Variants in HAUS2 observed in about 807,000 individuals in gnomAD.
HAUS2 encodes HAUS augmin like complex subunit 2.
In HAUS2, 20 loss-of-function variants were observed where a neutral mutation model predicts 21.6. The observed-to-expected ratio is 0.93, with a 90% CI of 0.65 to 1.35. The LOEUF (loss-of-function observed/expected upper bound fraction) is 1.35, where lower values mean the gene tolerates loss of function less well. Ranked by LOEUF, HAUS2 falls within the 40% of genes most tolerant of loss-of-function variation. The pLI, the probability that HAUS2 is intolerant of heterozygous loss-of-function variation, is 0.00. For missense variants in HAUS2, 297 were observed against 280.7 expected (o/e 1.06, Z -0.42); for synonymous variants, 113 against 95.6 (o/e 1.18, Z -1.06).
At chr15:42,561,479 A>G in intron 4 of HAUS2, 77 bp downstream of exon 4, 1 of 871,670 alleles carries the variant, frequency 1.1e-6, no homozygotes. Context: ...ACTTTGTAGC[A>G]GAATTCATAA....
chr15:42,557,198 C>T (rs2057787325), intron 1 of HAUS2, among the ~76,000 whole-genome samples: 1 of 145,364 alleles, frequency 6.9e-6, no homozygotes, highest in Non-Finnish European at 1.5e-5. Context: ...CGCCTGTAGT[C>T]CCAGCTACTC....
intron 1 of HAUS2, among the ~76,000 whole-genome samples, chr15:42,555,169 G>C (rs1253748224): frequency 6.6e-6 from 1 of 151,940 alleles, no homozygotes; most frequent in African/African-American, 2.4e-5. Context: ...TGTATTATTA[G>C]TAGAGATGGG....
At chr15:42,551,407 G>A (rs529711112) in intron 1 of HAUS2, among the ~76,000 whole-genome samples, 6 of 152,128 alleles carry the variant, frequency 3.9e-5, no homozygotes, top group African/African-American at 1.4e-4. Context: ...TTGGGAGGCC[G>A]AGGCGGGTGG....
intron 1 of HAUS2, among the ~76,000 whole-genome samples, chr15:42,556,423 C>T (rs1212510755): frequency 2.0e-5 from 3 of 151,132 alleles, no homozygotes; most frequent in African/African-American, 7.3e-5. Context: ...ACCACTCCTG[C>T]CTGGCTAATT....
chr15:42,550,447 T>C (rs1438082730), intron 1 of HAUS2, among the ~76,000 whole-genome samples: 1 of 152,226 alleles, frequency 6.6e-6, no homozygotes, highest in African/African-American at 2.4e-5. Context: ...GTCACTAGAC[T>C]GTTAAAGGAG....
rs1038608850 is a variant in HAUS2 at position 42,567,118 on chromosome 15, C to T, written c.*302C>T. The T allele has an allele frequency of 3.2e-5, 8 of 253,828 alleles. No individual in the cohort carries two copies. The highest frequency in any genetic ancestry group is 1.2e-4 in the African/African-American group (5 of 42,848). 15.7% of individuals were successfully genotyped at this position (253,828 alleles called of 1,614,324 possible). On this transcript the variant is annotated 3_prime_UTR_variant, in exon 6 of 6. Transcript: ENST00000260372. ...TCTTTTTTTAAAAATGTGTGTTTATCGTCTGGTGTGGTGGCTCACACCTGT... is the reference window on the plus strand; with the variant it reads ...TCTTTTTTTAAAAATGTGTGTTTATTGTCTGGTGTGGTGGCTCACACCTGT...
Position 42,548,841 on chromosome 15 carries a change from C to T in HAUS2, c.-32C>T, listed in dbSNP as rs942483833. On this transcript the variant is annotated 5_prime_UTR_variant, in exon 1 of 6. Coordinates refer to ENST00000260372, the MANE Select transcript of HAUS2 (RefSeq NM_018097.3). ...CGTTCGCCCTGCGATCCCGCTCACT[C>T]TTGGCGCCTTCGCGGAAGGTGCGTC... The T allele has an allele frequency of 5.9e-6, 9 of 1,513,572 alleles. No individual in the cohort carries two copies. The highest frequency in any genetic ancestry group is 4.8e-5 in the South Asian group (4 of 83,118). 93.8% of individuals were successfully genotyped at this position (1,513,572 alleles called of 1,614,324 possible). A position where few individuals can be genotyped will look rare whatever the true frequency, so the allele number is the denominator to read the frequency against.
At position 42,548,894 on chromosome 15, in the gene HAUS2, G is replaced by A; in HGVS notation, c.22G>A (p.Asp8Asn). ...AGCCATGGCCGCTGCCAACCCGTGG[G>A]ACCCGGCGTCCGCGCCTAACGGCGC... MAAANPW[D>N]PASAPNGAGL... The change falls in exon 1 of 6, where the codon GAC becomes AAC. Residue 8 changes from aspartate to asparagine, a missense_variant. Physicochemically the swap from Asp to Asn is conservative, Grantham distance 23 (BLOSUM62 1). Coordinates refer to ENST00000260372, the MANE Select transcript of HAUS2 (RefSeq NM_018097.3). 1 of 1,550,630 alleles carries A rather than the reference G, an allele frequency of 6.4e-7. No homozygotes were observed. The highest frequency in any genetic ancestry group is 8.7e-7 in the Non-Finnish European group (1 of 1,146,854).
At position 42,566,664 on chromosome 15, in the gene HAUS2, A is replaced by G. The variant is rs2057910105; in HGVS notation, c.556A>G (p.Asn186Asp). Residue 186 changes from asparagine (N) to aspartate (D), a missense_variant, in exon 6 of 6, where the codon AAT becomes GAT. Physicochemically the swap from Asn to Asp is conservative, Grantham distance 23. Transcript: ENST00000260372. ...GACTGAGACAGAAGAACTGGCAGAGAATATACTCAAGTGGCGTAAACAACA... is the reference window on the plus strand; with the variant it reads ...GACTGAGACAGAAGAACTGGCAGAGGATATACTCAAGTGGCGTAAACAACA... The part of the protein sequence containing the change: ...LVTETEELAE[N>D]ILKWRKQQNE... 1 of 1,608,536 alleles carries G rather than the reference A, an allele frequency of 6.2e-7. No individual in the cohort carries two copies. Among genetic ancestry groups the G allele is most frequent in the South Asian group, 1.1e-5 (1 of 90,996 alleles).
In HAUS2 at chr15:42,559,354, G is replaced by C. The variant is rs372326307; in HGVS notation, c.202G>C (p.Glu68Gln). The C allele has an allele frequency of 1.5e-5, 24 of 1,602,644 alleles. No homozygotes were observed. Among genetic ancestry groups the C allele is most frequent in the Non-Finnish European group, 1.9e-5 (22 of 1,169,672 alleles). The stretch of plus-strand genomic sequence containing the variant: ...CCTCATGTAGAAAAACCTGGAAATT[G>C]AACTCCTGAAACTAGAAAAAGATAC... Reference protein sequence around the residue: ...AEIYQKNLEIELLKLEKDTAD... With the variant: ...AEIYQKNLEIQLLKLEKDTAD... Residue 68 changes from glutamate to glutamine, a missense_variant, in exon 3 of 6, where the codon GAA (glutamate) becomes CAA (glutamine). Transcript: ENST00000260372.
chr15:42,558,278 T>G lies in HAUS2; in HGVS notation c.174T>G (p.Ala58=). 3.8e-6 allele frequency: 5 copies of G among 1,307,572 alleles called. No individual in the cohort carries two copies. The highest frequency in any genetic ancestry group is 5.5e-6 in the Non-Finnish European group (5 of 914,106). The allele number at this position is 1,307,572 out of a possible 1,614,324, so 81.0% of individuals were successfully genotyped here. A position where few individuals can be genotyped will look rare whatever the true frequency, so the allele number is the denominator to read the frequency against. Reference sequence around the variant, plus strand: ...TACAGCAGATCACAAATATTCAAGCTGAAATCTACCAGGTAAATCATTTTG... The same window carrying G: ...TACAGCAGATCACAAATATTCAAGCGGAAATCTACCAGGTAAATCATTTTG... The part of the protein sequence containing the change: ...TRLQQITNIQ[A]EIYQKNLEIE... The change falls in exon 2 of 6, where the codon GCT becomes GCG. Residue 58 remains alanine, a synonymous_variant. Transcript: ENST00000260372.
intron 4 of HAUS2, among the ~76,000 whole-genome samples, chr15:42,562,847 G>A (rs1205510314): frequency 6.6e-6 from 1 of 152,188 alleles, no homozygotes; most frequent in Non-Finnish European, 1.5e-5. Context: ...CATGGCTCAC[G>A]CCTGTAATCC....
chr15:42,557,110 C>T (rs1257863891), intron 1 of HAUS2, among the ~76,000 whole-genome samples: 2 of 149,034 alleles, frequency 1.3e-5, no homozygotes, highest in Non-Finnish European at 3.0e-5. Context: ...GTCAGGAGAT[C>T]GAGACCATCC....
intron 1 of HAUS2, among the ~76,000 whole-genome samples, chr15:42,551,195 C>T (rs2141589565): frequency 6.7e-6 from 1 of 149,848 alleles, no homozygotes; most frequent in South Asian, 2.2e-4. Flanking sequence ...ACCATTTTGG[C>T]CAGGGTAGTC....
At chr15:42,562,204 C>T (rs376451515) in intron 4 of HAUS2, among the ~76,000 whole-genome samples, 2 of 152,128 alleles carry the variant, frequency 1.3e-5, no homozygotes, top group Admixed American at 6.6e-5. Context: ...TAACTTTCTC[C>T]GCCAGTGCCT....
At chr15:42,557,074 G>A (rs921211292) in intron 1 of HAUS2, among the ~76,000 whole-genome samples, 4 of 150,598 alleles carry the variant, frequency 2.7e-5, no homozygotes, top group Non-Finnish European at 5.9e-5. Flanking sequence ...CAGCATTTTG[G>A]GAGGCCTAGG....
chr15:42,561,455 T>C (rs781773150), intron 4 of HAUS2, 53 bp downstream of exon 4: 1 of 1,267,426 alleles, frequency 7.9e-7, no homozygotes, highest in Non-Finnish European at 1.1e-6. Context: ...GAGTTTACTT[T>C]TTGTTTTGCA....
At chr15:42,549,662 GA>G (rs1486813443) in intron 1 of HAUS2, among the ~76,000 whole-genome samples, 1 of 149,372 alleles carries the variant, frequency 6.7e-6, no homozygotes, top group East Asian at 2.0e-4. Flanking sequence ...TGTAAGCCAG[GA>G]TGGTCCCGAT....
intron 1 of HAUS2, 67 bp from the exon 2 acceptor site, chr15:42,558,131 T>C (rs2057806070): frequency 4.2e-6 from 3 of 715,690 alleles, no homozygotes; most frequent in Non-Finnish European, 7.6e-6. Context: ...ACTATGGGCA[T>C]GCTATTCCAA....
Sources: gnomAD v4.1 joint callset for allele counts (sites outside exome capture counted in the v4.1 genomes callset) on GRCh38, gnomAD v4.1.1 for gene constraint, MANE v1.5 for transcripts, NCBI Gene and HGNC (gene_info 2026-07-23, HGNC 2026-07-21) for gene names.